Variants in CMPK2 observed in about 807,000 individuals in gnomAD.
CMPK2 encodes UMP-CMP kinase 2, mitochondrial.
Under a neutral mutation model 33.4 loss-of-function variants are expected in CMPK2, and 32 were observed. That is an observed-to-expected ratio of 0.96 (90% CI 0.72 to 1.29). CMPK2 has a LOEUF of 1.29. Among genes scored for constraint, CMPK2 ranks in the 50% most tolerant of loss-of-function variants. CMPK2 has a pLI of 0.00. For synonymous variants in CMPK2, 299 were observed against 275.3 expected (o/e 1.09, Z -0.85); for missense variants, 672 against 616.0 (o/e 1.09, Z -0.96).
intron 3 of CMPK2, 87 bp from the exon 4 acceptor site, chr2:6,851,770 A>C (rs1662534066): frequency 1.6e-6 from 2 of 1,278,280 alleles, no homozygotes; most frequent in Non-Finnish European, 2.2e-6. Flanking sequence ...TGATGAAACC[A>C]GGGTTGGCTC....
At chr2:6,855,250 G>A (rs760141143) in intron 3 of CMPK2, among the ~76,000 whole-genome samples, 4 of 151,696 alleles carry the variant, frequency 2.6e-5, no homozygotes, top group Admixed American at 6.5e-5. Context: ...CTGTTCTCGT[G>A]ATGGTGAGTT....
intron 3 of CMPK2, among the ~76,000 whole-genome samples, chr2:6,860,885 T>A (rs1403532967): frequency 1.3e-5 from 2 of 152,184 alleles, no homozygotes; most frequent in Non-Finnish European, 2.9e-5. Flanking sequence ...CTTTCTGAGA[T>A]CTATAGTTCT....
downstream of CMPK2, among the ~76,000 whole-genome samples, chr2:6,847,859 G>C (rs1025510321): frequency 6.6e-6 from 1 of 152,080 alleles, no homozygotes; most frequent in African/African-American, 2.4e-5. Flanking sequence ...AGGAATTATT[G>C]GCACCCATGT....
chr2:6,865,919 G>C (rs755467323), upstream of CMPK2: 41 of 1,400,264 alleles, frequency 2.9e-5, no homozygotes, highest in South Asian at 4.3e-4. Context: ...CGCGATAAAC[G>C]GCCGGCGCTC....
At chr2:6,854,103 T>C (rs191186285) in intron 3 of CMPK2, among the ~76,000 whole-genome samples, 1 of 152,292 alleles carries the variant, frequency 6.6e-6, no homozygotes, top group Admixed American at 6.5e-5. Flanking sequence ...CTCTGCCAGA[T>C]GAATTTTGTC....
At chr2:6,843,914 G>A (rs1288077356), downstream of CMPK2, among the ~76,000 whole-genome samples, 2 of 152,190 alleles carry the variant, frequency 1.3e-5, no homozygotes, top group African/African-American at 2.4e-5. Flanking sequence ...ATCAACCAGG[G>A]ATCCTGGATA....
intron 1 of CMPK2, among the ~76,000 whole-genome samples, chr2:6,863,983 T>C (rs981882624): frequency 6.6e-6 from 1 of 152,226 alleles, no homozygotes; most frequent in Admixed American, 6.5e-5. Flanking sequence ...CAGCATGTCC[T>C]CTCCTAGCCA....
rs1662872239 is a variant in CMPK2 at position 6,861,257 on chromosome 2, A to T, written c.919T>A (p.Tyr307Asn). The change falls in exon 3 of 5, where the codon TAC becomes AAC. Residue 307 changes from tyrosine to asparagine, a missense_variant. Coordinates refer to ENST00000256722, the MANE Select transcript of CMPK2 (RefSeq NM_207315.4). ...GCCACAATATAATTGCCCAAAGAGT[A>T]AAAAGCTCTTCTAATGATAGTTGGT... The part of the protein sequence containing the change: ...DEPTIIRRAF[Y>N]SLGNYIVASE... 1 of 1,613,982 alleles carries T rather than the reference A, an allele frequency of 6.2e-7. No homozygotes were observed. Among genetic ancestry groups the T allele is most frequent in the African/African-American group, 1.3e-5 (1 of 74,914 alleles).
At chr2:6,842,392 G>A (rs1662257031) in intron 3 of CMPK2, among the ~76,000 whole-genome samples, 1 of 152,132 alleles carries the variant, frequency 6.6e-6, no homozygotes, top group African/African-American at 2.4e-5. Context: ...CATTATAGGG[G>A]GTGTAAACAA....
chr2:6,845,931 G>A (rs892414106), downstream of CMPK2, among the ~76,000 whole-genome samples: 5 of 152,170 alleles, frequency 3.3e-5, no homozygotes, highest in Admixed American at 6.5e-5. Context: ...GTCTTATCAG[G>A]ATGGCTACCT....
intron 3 of CMPK2, among the ~76,000 whole-genome samples, chr2:6,860,353 G>A (rs1662834719): frequency 6.6e-6 from 1 of 152,158 alleles, no homozygotes; most frequent in African/African-American, 2.4e-5. Flanking sequence ...TTTGGGAGAG[G>A]CCAGGAGTGG....
intron 1 of CMPK2, among the ~76,000 whole-genome samples, chr2:6,863,885 C>A (rs1376678499): frequency 6.6e-6 from 1 of 152,212 alleles, no homozygotes; most frequent in Non-Finnish European, 1.5e-5. Flanking sequence ...GACACCGCAA[C>A]CATGGAACTA....
chr2:6,855,966 G>T (rs1361792710), intron 3 of CMPK2, among the ~76,000 whole-genome samples: 2 of 152,176 alleles, frequency 1.3e-5, no homozygotes, highest in African/African-American at 4.8e-5. Flanking sequence ...CCAGGAACAA[G>T]TGGAAAAACT....
chr2:6,857,136 C>T (rs953458135), intron 3 of CMPK2, among the ~76,000 whole-genome samples: 3 of 152,118 alleles, frequency 2.0e-5, no homozygotes, highest in African/African-American at 7.2e-5. Context: ...ATAGTAGTTT[C>T]ACCAACTGGA....
chr2:6,853,023 C>T (rs967123398), intron 3 of CMPK2, among the ~76,000 whole-genome samples: 8 of 152,184 alleles, frequency 5.3e-5, no homozygotes, highest in Non-Finnish European at 1.2e-4. Flanking sequence ...GATCTCAGCT[C>T]ACTGCAACCT....
chr2:6,865,931 G>A (rs1303145093), upstream of CMPK2: 17 of 1,374,760 alleles, frequency 1.2e-5, no homozygotes, highest in Non-Finnish European at 1.6e-5. Context: ...CCGGCGCTCG[G>A]GAGCAGACGC....
chr2:6,849,993 A>G lies in CMPK2; in HGVS notation c.1227-20T>C, dbSNP rs1662467790. On this transcript the variant is annotated intron_variant, in intron 4 of 4. Coordinates refer to ENST00000256722, the MANE Select transcript of CMPK2 (RefSeq NM_207315.4). ...TCTACCCTGGGGACAGGCAAAACAC[A>G]AAGAGTTGGTCTACTTTTTCACACA... 4 of 1,584,820 alleles carry G rather than the reference A, an allele frequency of 2.5e-6. No individual in the cohort carries two copies. Among genetic ancestry groups the G allele is most frequent in the Non-Finnish European group, 1.7e-6 (2 of 1,154,592 alleles).
chr2:6,863,580 T>C lies in CMPK2; in HGVS notation c.676-2A>G, dbSNP rs779935566. ...GGCTTCAGGAATAAAGGAGGTACAC[T>C]GTAAAACAACGTCTATCCATCAGCA... On this transcript the variant is annotated splice_acceptor_variant, in intron 1 of 4. Coordinates refer to ENST00000256722, the MANE Select transcript of CMPK2 (RefSeq NM_207315.4). LOFTEE classifies it high-confidence loss of function. 2.5e-6 allele frequency: 4 copies of C among 1,610,522 alleles called. No homozygotes were observed. Among genetic ancestry groups the C allele is most frequent in the Non-Finnish European group, 3.4e-6 (4 of 1,177,606 alleles).
At position 6,849,222 on chromosome 2, in the gene CMPK2, A is replaced by G. The variant is rs1662439886; in HGVS notation, c.*628T>C. On this transcript the variant is annotated 3_prime_UTR_variant, in exon 5 of 5. Transcript: ENST00000256722. ...TTTATATATGACTCAGAAGCCTATC[A>G]AAAGGGCTCTGAGCCTCAGACACAA... is the stretch of plus-strand genomic sequence containing the variant. The G allele has an allele frequency of 2.0e-6, 2 of 985,344 alleles. No individual in the cohort carries two copies. Among genetic ancestry groups the G allele is most frequent in the African/African-American group, 1.7e-5 (1 of 57,254 alleles). 61.0% of individuals were successfully genotyped at this position (985,344 alleles called of 1,614,324 possible).
Sources: allele counts gnomAD v4.1 joint callset (sites outside exome capture counted in the v4.1 genomes callset), GRCh38; gene constraint gnomAD v4.1.1; transcripts MANE v1.5; gene names NCBI Gene and HGNC (gene_info 2026-07-23, HGNC 2026-07-21).